The following CNTNAP3 variants were observed in gnomAD, a reference collection of about 807,000 sequenced individuals.
CNTNAP3 encodes contactin-associated protein-like 3.
In CNTNAP3, 36 loss-of-function variants were observed where a neutral mutation model predicts 92.1. The ratio of observed to expected loss-of-function variants is 0.39; its 90% CI spans 0.30 to 0.52. The LOEUF is 0.52. Among genes scored for constraint, CNTNAP3 ranks in the 20% least tolerant of loss-of-function variants. The pLI, the probability that CNTNAP3 is intolerant of heterozygous loss-of-function variation, is 0.76. For synonymous variants in CNTNAP3, 232 were observed against 422.3 expected (o/e 0.55, Z 5.53); for missense variants, 534 against 1,069.6 (o/e 0.50, Z 6.98).
chr9:39,158,996 A>G (rs1338247722), intron 9 of CNTNAP3: 1 of 122,144 alleles, frequency 8.2e-6, no homozygotes, highest in Non-Finnish European at 1.7e-5. Flanking sequence ...CACATTCTGG[A>G]GTTCATATGA....
Position 39,103,739 on chromosome 9 carries a change from C to CT in CNTNAP3, c.2536+4dup. Reference sequence around the variant, plus strand: ...CCTGTGACTTGTCCAGAGTGGCGAGCTTACCACGCAGCTCAATCCTGATGA... The same window carrying CT: ...CCTGTGACTTGTCCAGAGTGGCGAGCTTTACCACGCAGCTCAATCCTGATGA... On this transcript the variant is annotated splice_donor_region_variant and intron_variant, in intron 16 of 23. Transcript: ENST00000297668. 6.2e-7 allele frequency: 1 copy of CT among 1,609,984 alleles called. No homozygotes were observed. The highest frequency in any genetic ancestry group is 2.2e-5 in the East Asian group (1 of 44,858).
At chr9:39,076,963 C>G (rs1293627598) in intron 23 of CNTNAP3, among the ~76,000 whole-genome samples, 2 of 152,138 alleles carry the variant, frequency 1.3e-5, no homozygotes, top group African/African-American at 2.4e-5. Context: ...CTCAAACAAA[C>G]AAAGATTTCA....
rs1783312714 is a variant in CNTNAP3, at chr9:39,065,241, G to A, written c.*8649C>T. ...CTAGGACTTCAGAATGTACCCTATA[G>A]TGTCTAGATTTATTCATTCAACACA... On this transcript the variant is annotated 3_prime_UTR_variant, in exon 24 of 24. Coordinates refer to ENST00000297668, the MANE Select transcript of CNTNAP3 (RefSeq NM_033655.5). Among the ~76,000 whole-genome samples the A allele has an allele frequency of 6.6e-6, 1 of 152,212 alleles. No individual in the cohort carries two copies. The highest frequency in any genetic ancestry group is 6.5e-5 in the Admixed American group (1 of 15,292).
At chr9:39,100,277 A>C in intron 17 of CNTNAP3, 127 bp from the exon 18 acceptor site, 2 of 1,566,468 alleles carry the variant, frequency 1.3e-6, no homozygotes, top group Non-Finnish European at 1.7e-6. Flanking sequence ...TTTTGTGAAC[A>C]TACACAATTT....
chr9:39,106,196 G>C (rs1826601370), intron 15 of CNTNAP3, among the ~76,000 whole-genome samples: 1 of 152,176 alleles, frequency 6.6e-6, no homozygotes, highest in Non-Finnish European at 1.5e-5. Flanking sequence ...AAAGAAAACA[G>C]AGATGAAGAT....
At chr9:39,159,068 G>A (rs1471926552) in intron 9 of CNTNAP3, 2 of 145,620 alleles carry the variant, frequency 1.4e-5, no homozygotes, top group East Asian at 3.9e-4. Context: ...CTTTACTTAT[G>A]CATATACAAT....
At chr9:39,099,074 A>G (rs1242521616) in intron 18 of CNTNAP3, among the ~76,000 whole-genome samples, 7 of 151,848 alleles carry the variant, frequency 4.6e-5, no homozygotes, top group Non-Finnish European at 7.4e-5. Flanking sequence ...TCCCGGGTTC[A>G]AGCAATTCTC....
At chr9:39,206,599 C>CAGAG (rs1252788535) in intron 3 of CNTNAP3, among the ~76,000 whole-genome samples, 2 of 26,294 alleles carry the variant, frequency 7.6e-5, no homozygotes, top group Non-Finnish European at 2.1e-4. Context: ...AGAGACTTTA[C>CAGAG]ACGACTCCTG....
chr9:39,149,009 T>C (rs1240511609), intron 10 of CNTNAP3, among the ~76,000 whole-genome samples: 2 of 152,204 alleles, frequency 1.3e-5, no homozygotes, highest in African/African-American at 2.4e-5. Context: ...GTAATACTTA[T>C]TTGAATTAAA....
Position 39,078,705 on chromosome 9 carries a change from G to C in CNTNAP3, c.3658C>G (p.Leu1220Val), listed in dbSNP as rs564609927. The change falls in exon 22 of 24, where the codon CTC (leucine) becomes GTC (valine). Residue 1220 changes from leucine (L) to valine (V), a missense_variant. Coordinates refer to ENST00000297668, the MANE Select transcript of CNTNAP3 (RefSeq NM_033655.5). ...GSPARELAPRLAGGAGRSGPA... is the reference protein window; with the variant it reads ...GSPARELAPRVAGGAGRSGPA... The stretch of plus-strand genomic sequence containing the variant: ...GGCCACACACCTGCGCCCCCCGCGA[G>C]TCGGGGAGCCAGTTCCCGCGCCGGG... 19 of 1,533,192 alleles carry C rather than the reference G, an allele frequency of 1.2e-5. No individual in the cohort carries two copies. In the African/African-American group the frequency reaches 2.1e-4, roughly 17 times the overall value. The allele number at this position is 1,533,192 out of a possible 1,614,324, so 95.0% of individuals were successfully genotyped here.
intron 21 of CNTNAP3, among the ~76,000 whole-genome samples, chr9:39,084,317 C>T (rs1475601868): frequency 1.3e-5 from 2 of 151,522 alleles, no homozygotes; most frequent in Non-Finnish European, 1.5e-5. Flanking sequence ...CTCAGCCTCC[C>T]GAGTAGCTGG....
intron 17 of CNTNAP3, 84 bp downstream of exon 17, chr9:39,102,413 G>C: frequency 6.4e-7 from 1 of 1,563,092 alleles, no homozygotes; most frequent in Non-Finnish European, 8.7e-7. Context: ...GGCAACTGTT[G>C]CTCTCAGTAC....
intron 18 of CNTNAP3, among the ~76,000 whole-genome samples, chr9:39,094,489 T>TA (rs1826283784): frequency 1.3e-5 from 2 of 151,684 alleles, no homozygotes; most frequent in African/African-American, 4.8e-5. Context: ...TTTTATAGTT[T>TA]TATCTTTTAG....
intron 23 of CNTNAP3, among the ~76,000 whole-genome samples, chr9:39,075,723 G>T (rs1034979407): frequency 4.6e-5 from 7 of 152,286 alleles, no homozygotes; most frequent in Non-Finnish European, 1.0e-4. Context: ...ACCTAAAATT[G>T]CTTTCCATTG....
rs1349122735 is a variant in CNTNAP3, at chr9:39,067,542, C to A, written c.*6348G>T. Among the ~76,000 whole-genome samples, 1 of 152,114 alleles carries A rather than the reference C, an allele frequency of 6.6e-6. No individual in the cohort carries two copies. The highest frequency in any genetic ancestry group is 6.5e-5 in the Admixed American group (1 of 15,288). Reference sequence around the variant, plus strand: ...CCTCCCGAGTAGCTGGGACTTCAGGCGCCCAACACCACGCCCGGCTAATTT... The same window carrying A: ...CCTCCCGAGTAGCTGGGACTTCAGGAGCCCAACACCACGCCCGGCTAATTT... On this transcript the variant is annotated 3_prime_UTR_variant, in exon 24 of 24. Transcript: ENST00000297668.
intron 13 of CNTNAP3, among the ~76,000 whole-genome samples, chr9:39,128,407 G>A (rs903575086): frequency 1.3e-5 from 2 of 151,864 alleles, no homozygotes; most frequent in African/African-American, 4.8e-5. Context: ...ATGGCAAAAT[G>A]GGAGTTGCTC....
chr9:39,099,484 G>A (rs1390056043), intron 18 of CNTNAP3, among the ~76,000 whole-genome samples: 1 of 152,120 alleles, frequency 6.6e-6, no homozygotes. Context: ...AGGGACAATG[G>A]GTAAGACGAT....
At position 39,099,929 on chromosome 9, in the gene CNTNAP3, C is replaced by T. The variant is rs1401218902; in HGVS notation, c.2977G>A (p.Gly993Arg). The T allele has an allele frequency of 3.1e-6, 5 of 1,611,330 alleles. No individual in the cohort carries two copies. The South Asian group carries it at 3.3e-5, about 11-fold the overall frequency. Reference protein sequence around the residue: ...TCDCAFSAYDGPFCSNEISAY... With the variant: ...TCDCAFSAYDRPFCSNEISAY... Reference sequence around the variant, plus strand: ...CACTTACCATTGGAGCAGAACGGCCCATCATAGGCTGAGAAGGCACAGTCA... The same window carrying T: ...CACTTACCATTGGAGCAGAACGGCCTATCATAGGCTGAGAAGGCACAGTCA... Residue 993 changes from glycine (G) to arginine (R), a missense_variant, in exon 18 of 24, where the codon GGG becomes AGG. By Grantham distance (125) the Gly-to-Arg change is moderately radical (BLOSUM62 -2). Coordinates refer to ENST00000297668, the MANE Select transcript of CNTNAP3 (RefSeq NM_033655.5).
intron 21 of CNTNAP3, among the ~76,000 whole-genome samples, chr9:39,083,720 T>C (rs1168850552): frequency 2.0e-5 from 3 of 151,674 alleles, no homozygotes; most frequent in African/African-American, 4.8e-5. Context: ...AATACAATAA[T>C]ACCAAAGTAT....
Sources: gnomAD v4.1 joint callset for allele counts (sites outside exome capture counted in the v4.1 genomes callset) on GRCh38, gnomAD v4.1.1 for gene constraint, MANE v1.5 for transcripts, NCBI Gene and HGNC (gene_info 2026-07-23, HGNC 2026-07-21) for gene names.